REXO4: variants seen among roughly 807,000 people sequenced by gnomAD.
The protein encoded by REXO4 is REX4 homolog, 3'-5' exonuclease.
A neutral mutation model predicts 39.9 loss-of-function variants in REXO4; 29 were observed. That is an observed-to-expected ratio of 0.73 (90% CI 0.54 to 0.99). REXO4 has a LOEUF of 0.99. Ranked by LOEUF, REXO4 falls within the 50% of genes least tolerant of loss-of-function variation. REXO4 has a pLI of 0.00. For synonymous variants in REXO4, 184 were observed against 206.2 expected, an observed-to-expected ratio of 0.89 and a Z score of 0.92; for missense variants, 524 against 546.5, an observed-to-expected ratio of 0.96 and a Z score of 0.41.
chr9:133,414,936 T>C lies in REXO4; in HGVS notation c.301A>G (p.Lys101Glu). 1.2e-6 allele frequency: 2 copies of C among 1,613,738 alleles called. No individual in the cohort carries two copies. Among genetic ancestry groups the C allele is most frequent in the African/African-American group, 2.7e-5 (2 of 74,942 alleles). ...ISQMGSKKKP[K>E]IIQQNKKETS... ...TCTTTTTTGTTTTGCTGGATAATTTTGGGCTTCTTTTTGGAACCCATCTGA... is the reference window on the plus strand; with the variant it reads ...TCTTTTTTGTTTTGCTGGATAATTTCGGGCTTCTTTTTGGAACCCATCTGA... The change falls in exon 2 of 8, where the codon AAA (lysine) becomes GAA (glutamate). Residue 101 changes from lysine (K) to glutamate (E), a missense_variant. Coordinates refer to ENST00000371942, the MANE Select transcript of REXO4 (RefSeq NM_020385.4).
intron 4 of REXO4, 52 bp downstream of exon 4, chr9:133,412,247 C>T (rs977817058): frequency 3.8e-6 from 6 of 1,569,412 alleles, no homozygotes; most frequent in Admixed American, 1.7e-5. Context: ...AGGGAGAAAA[C>T]GAATCCAGTT....
At chr9:133,411,299 G>A (rs1488458540) in intron 4 of REXO4, among the ~76,000 whole-genome samples, 1 of 152,206 alleles carries the variant, frequency 6.6e-6, no homozygotes, top group Non-Finnish European at 1.5e-5. Flanking sequence ...CTGAGGAGAG[G>A]AATAAAGTGC....
chr9:133,410,148 A>C lies in REXO4; in HGVS notation c.999+837T>G, dbSNP rs188679159. 9.4e-4 allele frequency among the ~76,000 whole-genome samples: 143 copies of C among 152,188 alleles called. 1 individual carries two copies. The highest frequency in any genetic ancestry group is 1.6e-4 in the Non-Finnish European group (11 of 68,012). On this transcript the variant is annotated intron_variant, in intron 5 of 7. Coordinates refer to ENST00000371942, the MANE Select transcript of REXO4 (RefSeq NM_020385.4). The stretch of plus-strand genomic sequence containing the variant: ...CAAAGGCTGCTGCCTGAACATTAGC[A>C]TCTCTGTCACTTCCTTCTGAACGGC...
At chr9:133,415,056 T>C (rs1554781276) in intron 1 of REXO4, 45 bp from the exon 2 acceptor site, 2 of 1,512,630 alleles carry the variant, frequency 1.3e-6, no homozygotes, top group Non-Finnish European at 1.8e-6. Flanking sequence ...ATTTGGAAAT[T>C]ACACACAGCA....
intron 7 of REXO4, 26 bp downstream of exon 7, chr9:133,407,781 T>C (rs782746099): frequency 1.9e-6 from 3 of 1,605,566 alleles, no homozygotes; most frequent in African/African-American, 1.3e-5. Context: ...CCAAACCCCA[T>C]GAACTACCCC....
intron 6 of REXO4, 47 bp from the exon 7 acceptor site, chr9:133,407,928 A>T: frequency 6.8e-7 from 1 of 1,476,076 alleles, no homozygotes; most frequent in Non-Finnish European, 9.4e-7. Flanking sequence ...GGCTCGGCCC[A>T]AAGAGGGTCA....
chr9:133,408,400 A>C (rs1564390960), intron 6 of REXO4, among the ~76,000 whole-genome samples: 1 of 151,978 alleles, frequency 6.6e-6, no homozygotes, highest in African/African-American at 2.4e-5. Flanking sequence ...TGGCAGTTAC[A>C]GTGAGCCAAG....
intron 2 of REXO4, among the ~76,000 whole-genome samples, chr9:133,413,427 A>C (rs587613307): frequency 4.6e-5 from 7 of 152,294 alleles, no homozygotes; most frequent in Middle Eastern, 6.8e-3. Flanking sequence ...TTAATTAGAA[A>C]ATACACTCAT....
At chr9:133,411,571 G>T (rs1179077718) in intron 4 of REXO4, among the ~76,000 whole-genome samples, 1 of 152,172 alleles carries the variant, frequency 6.6e-6, no homozygotes, top group Non-Finnish European at 1.5e-5. Context: ...TGTACCCCCC[G>T]AACAGGGGTG....
intron 1 of REXO4, among the ~76,000 whole-genome samples, chr9:133,417,088 A>ACTGCCT (rs1839671789): frequency 6.6e-6 from 1 of 152,136 alleles, no homozygotes; most frequent in South Asian, 2.1e-4. Flanking sequence ...TCGGCTTACT[A>ACTGCCT]CTGCCTCTGC....
At chr9:133,417,323 C>T (rs1839697204) in intron 1 of REXO4, among the ~76,000 whole-genome samples, 1 of 152,174 alleles carries the variant, frequency 6.6e-6, no homozygotes, top group Non-Finnish European at 1.5e-5. Context: ...GGCCTGGTTT[C>T]GGGATTTTAA....
At chr9:133,416,131 G>A (rs587771163) in intron 1 of REXO4, among the ~76,000 whole-genome samples, 5 of 152,316 alleles carry the variant, frequency 3.3e-5, no homozygotes, top group South Asian at 2.1e-4. Context: ...TGGTGAGGCC[G>A]AAGGAAGCTT....
chr9:133,412,550 T>A, intron 3 of REXO4, 58 bp from the exon 4 acceptor site: 1 of 1,573,198 alleles, frequency 6.4e-7, no homozygotes, highest in Non-Finnish European at 8.7e-7. Context: ...GGGCTCCAGG[T>A]CAGAGCCCCA....
intron 4 of REXO4, 126 bp downstream of exon 4, chr9:133,412,173 A>G (rs1839246968): frequency 2.0e-6 from 2 of 978,082 alleles, no homozygotes; most frequent in South Asian, 2.9e-5. Flanking sequence ...CCATCGCCCC[A>G]AAAGGAGACA....
rs781897102 is a variant in REXO4 at position 133,408,791 on chromosome 9, T to G, written c.1051A>C (p.Lys351Gln). ...KKKIRDTQKYKPFKSQVKSGR... is the reference protein window; with the variant it reads ...KKKIRDTQKYQPFKSQVKSGR... Reference sequence around the variant, plus strand: ...ACCTTTACTTGACTCTTGAAAGGTTTATATTTCTGTGTGTCCCGAATCTTC... The same window carrying G: ...ACCTTTACTTGACTCTTGAAAGGTTGATATTTCTGTGTGTCCCGAATCTTC... Residue 351 changes from lysine (K) to glutamine (Q), a missense_variant, in exon 6 of 8, where the codon AAA becomes CAA. Transcript: ENST00000371942. 1 of 1,597,774 alleles carries G rather than the reference T, an allele frequency of 6.3e-7. No homozygotes were observed. The highest frequency in any genetic ancestry group is 8.6e-7 in the Non-Finnish European group (1 of 1,166,114).
chr9:133,417,995 C>T lies in REXO4; in HGVS notation c.-151G>A. 1 of 694,368 alleles carries T rather than the reference C, an allele frequency of 1.4e-6. No homozygotes were observed. The allele number at this position is 694,368 out of a possible 1,614,324, so 43.0% of individuals were successfully genotyped here. A position where few individuals can be genotyped will look rare whatever the true frequency, so the allele number is the denominator to read the frequency against. ...CAGGAAAAGACTCCGGAAGAGACCC[C>T]GCACGCGTTGCGCATACCTCAGCAC... On this transcript the variant is annotated 5_prime_UTR_variant, in exon 1 of 8. Transcript: ENST00000371942.
At position 133,406,897 on chromosome 9, in the gene REXO4, T is replaced by A. The variant is rs587771550; in HGVS notation, c.*56A>T. 8.7e-5 allele frequency: 140 copies of A among 1,602,230 alleles called. No homozygotes were observed. The African/African-American group carries it at 1.8e-3, about 20-fold the overall frequency. On this transcript the variant is annotated 3_prime_UTR_variant, in exon 8 of 8. Transcript: ENST00000371942. ...ACTCTGGGGAGATGTGATCTGTCCC[T>A]GTGACTGGTCACATTGCCTCTGTAG...
intron 1 of REXO4, among the ~76,000 whole-genome samples, chr9:133,416,957 A>G (rs1554781712): frequency 3.3e-5 from 5 of 152,176 alleles, no homozygotes; most frequent in Admixed American, 3.3e-4. Context: ...TCTGCTTTTC[A>G]CTTCTACACA....
chr9:133,407,220 G>C (rs999950966), intron 7 of REXO4, 148 bp from the exon 8 acceptor site: 1 of 1,265,732 alleles, frequency 7.9e-7, no homozygotes, highest in Non-Finnish European at 1.1e-6. Context: ...ACCAGGACGG[G>C]GAGGGAGGAC....
Sources: allele counts gnomAD v4.1 joint callset (sites outside exome capture counted in the v4.1 genomes callset), GRCh38; gene constraint gnomAD v4.1.1; transcripts MANE v1.5; gene names NCBI Gene and HGNC (gene_info 2026-07-23, HGNC 2026-07-21).